The following RNF150 variants were observed in gnomAD, a reference collection of about 807,000 sequenced individuals.
RNF150 encodes ring finger protein 150.
In RNF150, 24 loss-of-function variants were observed where a neutral mutation model predicts 39.3. The ratio of observed to expected loss-of-function variants is 0.61; its 90% CI spans 0.44 to 0.86. RNF150 has a LOEUF of 0.86. Among genes scored for constraint, RNF150 ranks in the 40% least tolerant of loss-of-function variants. RNF150 has a pLI of 0.00. For synonymous variants in RNF150, 255 were observed against 227.3 expected, an observed-to-expected ratio of 1.12 and a Z score of -1.10; for missense variants, 502 against 587.8, an observed-to-expected ratio of 0.85 and a Z score of 1.51.
Position 140,967,747 on chromosome 4 carries a change from A to G in RNF150, c.611T>C (p.Val204Ala), listed in dbSNP as rs1369572413. The G allele has an allele frequency of 1.2e-6, 2 of 1,613,646 alleles. No homozygotes were observed. The highest frequency in any genetic ancestry group is 2.2e-5 in the East Asian group (1 of 44,866). The change falls in exon 2 of 7, where the codon GTG becomes GCG. Residue 204 changes from valine (V) to alanine (A), a missense_variant. Val to Ala is a moderately conservative substitution (Grantham distance 64, BLOSUM62 0). Coordinates refer to ENST00000515673, the MANE Select transcript of RNF150 (RefSeq NM_020724.2). ...TIGTRNLQKY[V>A]SRTSVVFVSI... ...GACAAACACAACCGAAGTGCGGCTCACATATTTCTGCAAGTTCCGGGTTCC... is the reference window on the plus strand; with the variant it reads ...GACAAACACAACCGAAGTGCGGCTCGCATATTTCTGCAAGTTCCGGGTTCC...
At chr4:140,999,507 A>C (rs1381676700) in intron 1 of RNF150, among the ~76,000 whole-genome samples, 1 of 152,188 alleles carries the variant, frequency 6.6e-6, no homozygotes, top group East Asian at 1.9e-4. Flanking sequence ...TTAGGCATGC[A>C]ATAATTTCTT....
chr4:141,058,400 C>CTT (rs1737078250), intron 1 of RNF150, among the ~76,000 whole-genome samples: 1 of 152,022 alleles, frequency 6.6e-6, no homozygotes, highest in Non-Finnish European at 1.5e-5. Context: ...ATTTTGGTAG[C>CTT]TTTTTAAAAT....
At chr4:140,960,896 C>T (rs1027134162) in intron 2 of RNF150, among the ~76,000 whole-genome samples, 13 of 151,656 alleles carry the variant, frequency 8.6e-5, no homozygotes, top group Admixed American at 2.6e-4. Flanking sequence ...TTTAACAACC[C>T]TCTAATAATA....
At chr4:140,920,253 C>T (rs1268262464) in intron 5 of RNF150, among the ~76,000 whole-genome samples, 1 of 146,928 alleles carries the variant, frequency 6.8e-6, no homozygotes, top group African/African-American at 2.5e-5. Context: ...AACAGGCAAC[C>T]TACAAAATGG....
At chr4:140,929,667 G>A (rs1375357376) in intron 4 of RNF150, among the ~76,000 whole-genome samples, 1 of 151,974 alleles carries the variant, frequency 6.6e-6, no homozygotes, top group East Asian at 1.9e-4. Flanking sequence ...TGCCCGGCCT[G>A]GATGCTTAGT....
intron 1 of RNF150, among the ~76,000 whole-genome samples, chr4:141,054,363 AT>A (rs1158342143): frequency 6.6e-6 from 1 of 152,140 alleles, no homozygotes; most frequent in Non-Finnish European, 1.5e-5. Flanking sequence ...TTGTTCGACT[AT>A]TTCCTGTAGA....
intron 1 of RNF150, among the ~76,000 whole-genome samples, chr4:141,210,486 CTT>C (rs35272487): frequency 1.2e-3 from 169 of 143,896 alleles, no homozygotes; most frequent in Middle Eastern, 3.6e-3. Context: ...GCAGTTTCAG[CTT>C]TTTTTTTTTT....
chr4:140,974,559 T>A (rs1733593144), intron 1 of RNF150, among the ~76,000 whole-genome samples: 1 of 152,202 alleles, frequency 6.6e-6, no homozygotes, highest in Non-Finnish European at 1.5e-5. Context: ...GAACATTTGG[T>A]GTTCTAAGAA....
At chr4:141,095,240 G>C (rs1180999408) in intron 1 of RNF150, among the ~76,000 whole-genome samples, 2 of 152,150 alleles carry the variant, frequency 1.3e-5, no homozygotes, top group Non-Finnish European at 2.9e-5. Flanking sequence ...ATAGCTGGGG[G>C]CCTCAAACAC....
chr4:141,024,888 A>G (rs1289423699), intron 1 of RNF150, among the ~76,000 whole-genome samples: 1 of 152,210 alleles, frequency 6.6e-6, no homozygotes, highest in Non-Finnish European at 1.5e-5. Context: ...AAGAATCTCT[A>G]TCTCCATGTC....
chr4:141,040,413 C>G (rs1314869496), intron 1 of RNF150, among the ~76,000 whole-genome samples: 4 of 151,982 alleles, frequency 2.6e-5, no homozygotes, highest in African/African-American at 9.7e-5. Flanking sequence ...AGGAGGAGAA[C>G]TGAAATCAAA....
chr4:140,960,650 G>A (rs926700816), intron 2 of RNF150, among the ~76,000 whole-genome samples: 6 of 152,078 alleles, frequency 3.9e-5, no homozygotes, highest in African/African-American at 1.4e-4. Flanking sequence ...CCTACATGAT[G>A]AAACCTCAAT....
At chr4:141,086,701 A>ATT in intron 1 of RNF150, among the ~76,000 whole-genome samples, 1 of 151,582 alleles carries the variant, frequency 6.6e-6, no homozygotes, top group Non-Finnish European at 1.5e-5. Flanking sequence ...AGAATTCTTC[A>ATT]GGTATTGAAG....
In RNF150 at chr4:141,064,050, A is replaced by C. The variant is rs191005922; in HGVS notation, c.484+68275T>G. Among the ~76,000 whole-genome samples the C allele has an allele frequency of 3.3e-5, 5 of 152,056 alleles. No homozygotes were observed. The East Asian group carries it at 5.8e-4, about 18-fold the overall frequency. On this transcript the variant is annotated intron_variant, in intron 1 of 6. Coordinates refer to ENST00000515673, the MANE Select transcript of RNF150 (RefSeq NM_020724.2). ...AAACAGATTTAATGAAAGTTAAAAA[A>C]CGGCCTCCTAGTTAAACCAAAGCCT...
At chr4:141,184,661 T>G (rs146902173) in intron 1 of RNF150, among the ~76,000 whole-genome samples, 302 of 152,300 alleles carry the variant, frequency 2.0e-3, no homozygotes, top group African/African-American at 6.8e-3. Context: ...CTTTAATCTA[T>G]CTTGAGTTAA....
intron 1 of RNF150, among the ~76,000 whole-genome samples, chr4:141,048,466 C>T (rs980928742): frequency 2.6e-5 from 4 of 152,140 alleles, no homozygotes; most frequent in African/African-American, 9.7e-5. Flanking sequence ...TGCAGTGGTT[C>T]ATGGGTATAA....
chr4:141,138,398 C>T (rs1027609826), upstream of RNF150, among the ~76,000 whole-genome samples: 9 of 151,874 alleles, frequency 5.9e-5, no homozygotes, highest in Admixed American at 6.6e-5. Context: ...GATAACTGTC[C>T]CCATCCCTGA....
chr4:141,106,815 A>G (rs1273110632), intron 1 of RNF150, among the ~76,000 whole-genome samples: 2 of 152,008 alleles, frequency 1.3e-5, no homozygotes, highest in Non-Finnish European at 2.9e-5. Context: ...ATATATATAT[A>G]TTATTCCATC....
intron 1 of RNF150, among the ~76,000 whole-genome samples, chr4:141,083,604 A>G (rs537850002): frequency 3.7e-4 from 56 of 152,262 alleles, no homozygotes; most frequent in African/African-American, 1.1e-3. Flanking sequence ...GAGGACCCTG[A>G]TCAGTAGGAA....
Sources: allele counts gnomAD v4.1 joint callset (sites outside exome capture counted in the v4.1 genomes callset), GRCh38; gene constraint gnomAD v4.1.1; transcripts MANE v1.5; gene names NCBI Gene and HGNC (gene_info 2026-07-23, HGNC 2026-07-21).